The following FERMT1 variants were observed in gnomAD, a reference collection of about 807,000 sequenced individuals.
FERMT1 encodes the protein FERM domain containing kindlin 1.
In FERMT1, 60 loss-of-function variants were observed where a neutral mutation model predicts 85.3. The ratio of observed to expected loss-of-function variants is 0.70; its 90% CI spans 0.57 to 0.87. The LOEUF (loss-of-function observed/expected upper bound fraction) is 0.87. Ranked by LOEUF, FERMT1 falls within the 40% of genes least tolerant of loss-of-function variation. FERMT1 has a pLI of 0.00. For missense variants in FERMT1, 701 were observed against 818.9 expected (o/e 0.86, Z 1.76); for synonymous variants, 275 against 301.1 (o/e 0.91, Z 0.90).
chr20:6,084,783 T>A (rs568811588), intron 12 of FERMT1, among the ~76,000 whole-genome samples: 1 of 151,708 alleles, frequency 6.6e-6, no homozygotes, highest in East Asian at 2.0e-4. Context: ...AGCCTCCACC[T>A]CCTGGGCTCG....
At chr20:6,090,436 C>G (rs1385745350) in intron 9 of FERMT1, among the ~76,000 whole-genome samples, 1 of 151,632 alleles carries the variant, frequency 6.6e-6, no homozygotes, top group Non-Finnish European at 1.5e-5. Context: ...TTATCCTTAA[C>G]ACAAAGATAG....
chr20:6,087,218 G>C (rs936252883), intron 11 of FERMT1, among the ~76,000 whole-genome samples: 1 of 151,924 alleles, frequency 6.6e-6, no homozygotes, highest in African/African-American at 2.4e-5. Context: ...CACCAAACCT[G>C]TGTCTCCAAA....
At chr20:6,118,670 T>G (rs375359134) in intron 2 of FERMT1, among the ~76,000 whole-genome samples, 1 of 152,208 alleles carries the variant, frequency 6.6e-6, no homozygotes, top group South Asian at 2.1e-4. Flanking sequence ...AGGTTGATAA[T>G]GTTGACATCT....
chr20:6,107,076 G>T (rs1472407132), intron 6 of FERMT1, among the ~76,000 whole-genome samples: 1 of 151,742 alleles, frequency 6.6e-6, no homozygotes, highest in Non-Finnish European at 1.5e-5. Flanking sequence ...TGAGCCTGTA[G>T]TTCCAGCTAC....
In FERMT1 at chr20:6,087,897, A is replaced by G; in HGVS notation, c.1265-14T>C. Reference sequence around the variant, plus strand: ...CAACTTCGCAGCCTGAAGGACAAAGATCAGAGACAAAACTGAGTTCTGAGG... The same window carrying G: ...CAACTTCGCAGCCTGAAGGACAAAGGTCAGAGACAAAACTGAGTTCTGAGG... On this transcript the variant is annotated splice_polypyrimidine_tract_variant and intron_variant, in intron 10 of 14. Coordinates refer to ENST00000217289, the MANE Select transcript of FERMT1 (RefSeq NM_017671.5). The G allele has an allele frequency of 6.8e-7, 1 of 1,479,120 alleles. No homozygotes were observed. The highest frequency in any genetic ancestry group is 9.5e-7 in the Non-Finnish European group (1 of 1,058,072). 91.6% of individuals were successfully genotyped at this position (1,479,120 alleles called of 1,614,324 possible).
chr20:6,083,960 TA>T, intron 13 of FERMT1, 79 bp downstream of exon 13: 1 of 1,528,858 alleles, frequency 6.5e-7, no homozygotes, highest in Admixed American at 1.7e-5. Context: ...TATTCTATGC[TA>T]AATGAGAAAA....
chr20:6,100,948 A>C (rs887510401), intron 6 of FERMT1, among the ~76,000 whole-genome samples: 1 of 152,232 alleles, frequency 6.6e-6, no homozygotes, highest in Non-Finnish European at 1.5e-5. Context: ...TGAAACATAT[A>C]AATAATTTAA....
intron 14 of FERMT1, 133 bp downstream of exon 14, chr20:6,079,303 C>T (rs1193622633): frequency 7.1e-6 from 7 of 987,192 alleles, no homozygotes; most frequent in South Asian, 2.7e-5. Flanking sequence ...TTTTAGCAGA[C>T]AGACAGTTAC....
intron 6 of FERMT1, among the ~76,000 whole-genome samples, chr20:6,101,707 C>T (rs1045863803): frequency 3.3e-5 from 5 of 152,200 alleles, no homozygotes; most frequent in Non-Finnish European, 7.3e-5. Flanking sequence ...GGCTGGAGTG[C>T]AATGGCGCGA....
At chr20:6,079,806 G>C (rs970506530) in intron 13 of FERMT1, among the ~76,000 whole-genome samples, 18 of 152,190 alleles carry the variant, frequency 1.2e-4, no homozygotes, top group Non-Finnish European at 2.2e-4. Context: ...TGACATCAGA[G>C]AGAAGAAAAA....
chr20:6,099,562 A>G (rs1444890250), intron 6 of FERMT1, among the ~76,000 whole-genome samples: 1 of 152,188 alleles, frequency 6.6e-6, no homozygotes, highest in Admixed American at 6.5e-5. Context: ...ATAAAGACAG[A>G]AAGTAGAATA....
rs869312718 is a variant in FERMT1 at position 6,089,031 on chromosome 20, A to G, written c.1198T>C (p.Ser400Pro). The change falls in exon 10 of 15, where the codon TCC becomes CCC. Residue 400 changes from serine to proline, a missense_variant. Physicochemically the swap from Ser to Pro is moderately conservative, Grantham distance 74 (BLOSUM62 -1). Transcript: ENST00000217289. ...KQYWFIFKDTSIAYFKNKELE... is the reference protein window; with the variant it reads ...KQYWFIFKDTPIAYFKNKELE... ...TCCTTATTTTTAAAGTATGCTATGGATGTGTCTTTAAAGATAAACCAATAT... is the reference window on the plus strand; with the variant it reads ...TCCTTATTTTTAAAGTATGCTATGGGTGTGTCTTTAAAGATAAACCAATAT... 3 of 1,611,650 alleles carry G rather than the reference A, an allele frequency of 1.9e-6. No homozygotes were observed. Among genetic ancestry groups the G allele is most frequent in the Non-Finnish European group, 2.5e-6 (3 of 1,178,158 alleles).
intron 9 of FERMT1, among the ~76,000 whole-genome samples, chr20:6,093,100 T>C (rs185857903): frequency 1.3e-5 from 2 of 152,180 alleles, no homozygotes; most frequent in East Asian, 3.9e-4. Flanking sequence ...TTCACTGTAA[T>C]AGAAAGAACT....
intron 9 of FERMT1, 102 bp from the exon 10 acceptor site, chr20:6,089,191 C>A (rs1982277373): frequency 3.3e-6 from 4 of 1,207,774 alleles, no homozygotes. Context: ...TCAAAGAAAA[C>A]ACACTTTGTT....
At chr20:6,106,930 G>A (rs1982811235) in intron 6 of FERMT1, among the ~76,000 whole-genome samples, 2 of 152,122 alleles carry the variant, frequency 1.3e-5, no homozygotes, top group Admixed American at 1.3e-4. Context: ...AGATGCGATG[G>A]CTCATGCCTG....
At chr20:6,103,617 A>G (rs532464094) in intron 6 of FERMT1, among the ~76,000 whole-genome samples, 1 of 152,074 alleles carries the variant, frequency 6.6e-6, no homozygotes, top group South Asian at 2.1e-4. Context: ...ATTGTAGTTC[A>G]TTTTCTATGA....
intron 2 of FERMT1, among the ~76,000 whole-genome samples, chr20:6,118,459 G>T (rs926869971): frequency 6.6e-6 from 1 of 152,078 alleles, no homozygotes; most frequent in Admixed American, 6.6e-5. Context: ...GTGGTTACAA[G>T]ACTTTGTGAA....
chr20:6,094,796 C>T (rs1600434736), intron 9 of FERMT1, 143 bp downstream of exon 9: 3 of 683,028 alleles, frequency 4.4e-6, no homozygotes, highest in South Asian at 3.2e-5. Context: ...TACGACTCAA[C>T]CCATTGTTTG....
chr20:6,099,099 C>A (rs771310092), intron 6 of FERMT1, among the ~76,000 whole-genome samples: 1 of 152,024 alleles, frequency 6.6e-6, no homozygotes, highest in Non-Finnish European at 1.5e-5. Flanking sequence ...CGCTATTCAG[C>A]CTTAAAAAGG....
Sources: gnomAD v4.1 joint callset for allele counts (sites outside exome capture counted in the v4.1 genomes callset) on GRCh38, gnomAD v4.1.1 for gene constraint, MANE v1.5 for transcripts, NCBI Gene and HGNC (gene_info 2026-07-23, HGNC 2026-07-21) for gene names.